The following NCAPD3 variants were observed in gnomAD, a reference collection of about 807,000 sequenced individuals.
The protein encoded by NCAPD3 is condensin-2 complex subunit D3.
Under a neutral mutation model 182.9 loss-of-function variants are expected in NCAPD3, and 105 were observed. The ratio of observed to expected loss-of-function variants is 0.57; its 90% CI spans 0.49 to 0.68. The LOEUF (loss-of-function observed/expected upper bound fraction) is 0.68. Among genes scored for constraint, NCAPD3 ranks in the 30% least tolerant of loss-of-function variants. The probability of loss-of-function intolerance (pLI) is 0.00; values close to 1 mark genes in which losing one functional copy is unlikely to be tolerated. For synonymous variants in NCAPD3, 815 were observed against 679.9 expected (o/e 1.20, Z -3.09); for missense variants, 1,944 against 1,837.0 (o/e 1.06, Z -1.07).
At chr11:134,183,187 C>A in intron 19 of NCAPD3, 1 of 456,160 alleles carries the variant, frequency 2.2e-6, no homozygotes, top group African/African-American at 2.0e-5. Flanking sequence ...AAGTCAGAGG[C>A]CTTAGTTCTA....
intron 1 of NCAPD3, 101 bp from the exon 2 acceptor site, chr11:134,220,827 G>T: frequency 9.0e-7 from 1 of 1,113,814 alleles, no homozygotes; most frequent in Non-Finnish European, 1.3e-6. Context: ...AAGTTTACTA[G>T]TCACGATTCA....
At chr11:134,224,464 AC>A (rs1405995121), upstream of NCAPD3, 3 of 155,914 alleles carry the variant, frequency 1.9e-5, no homozygotes, top group African/African-American at 7.2e-5. Flanking sequence ...TTCTGTAGGG[AC>A]TGCGCGGCAC....
intron 2 of NCAPD3, 30 bp from the exon 3 acceptor site, chr11:134,217,128 A>C: frequency 2.6e-6 from 4 of 1,533,514 alleles, no homozygotes; most frequent in Non-Finnish European, 3.5e-6. Context: ...CACAAAAGCC[A>C]GTCATTAGAG....
In NCAPD3 at chr11:134,150,370, G is replaced by A. The variant is rs1424898673; in HGVS notation, c.*2574C>T. 1 of 152,476 alleles carries A rather than the reference G, an allele frequency of 6.6e-6. No homozygotes were observed. The highest frequency in any genetic ancestry group is 1.5e-5 in the Non-Finnish European group (1 of 68,170). 9.4% of individuals were successfully genotyped at this position (152,476 alleles called of 1,614,324 possible). A position where few individuals can be genotyped will look rare whatever the true frequency, so the allele number is the denominator to read the frequency against. On this transcript the variant is annotated 3_prime_UTR_variant, in exon 35 of 35. Transcript: ENST00000534548. ...AGAAGCCCTCAGATGTACATACACA[G>A]ATGCCAGTCAGCTCCTGGGGTTGCG...
At chr11:134,159,715 G>A (rs570159580) in intron 29 of NCAPD3, among the ~76,000 whole-genome samples, 177 bp downstream of exon 29, 11 of 152,358 alleles carry the variant, frequency 7.2e-5, no homozygotes, top group African/African-American at 2.6e-4. Flanking sequence ...CTGGAGCACA[G>A]TAAATCCATC....
intron 13 of NCAPD3, among the ~76,000 whole-genome samples, chr11:134,199,412 C>T (rs1293449262): frequency 6.6e-6 from 1 of 152,180 alleles, no homozygotes; most frequent in Non-Finnish European, 1.5e-5. Flanking sequence ...AAAACTCACT[C>T]CATTGTTTTC....
intron 16 of NCAPD3, among the ~76,000 whole-genome samples, chr11:134,192,449 G>A (rs1396689492): frequency 6.6e-6 from 1 of 152,216 alleles, no homozygotes; most frequent in Non-Finnish European, 1.5e-5. Flanking sequence ...ACCAAAATCT[G>A]AAACTGGAAA....
chr11:134,166,062 G>A (rs1943782484), intron 27 of NCAPD3, among the ~76,000 whole-genome samples: 1 of 88,472 alleles, frequency 1.1e-5, no homozygotes, highest in Non-Finnish European at 2.3e-5. Flanking sequence ...GAGCTTGGGG[G>A]AGCAGCACAC....
chr11:134,213,743 C>G (rs1937924277), intron 3 of NCAPD3, among the ~76,000 whole-genome samples: 1 of 151,738 alleles, frequency 6.6e-6, no homozygotes, highest in Non-Finnish European at 1.5e-5. Context: ...AAATGATGTA[C>G]CAACCAAGGA....
At chr11:134,172,432 A>G (rs1944029793) in intron 24 of NCAPD3, among the ~76,000 whole-genome samples, 1 of 151,902 alleles carries the variant, frequency 6.6e-6, no homozygotes, top group Non-Finnish European at 1.5e-5. Flanking sequence ...CCCCATTCCG[A>G]TTGTTCCATG....
At position 134,151,582 on chromosome 11, in the gene NCAPD3, G is replaced by T. The variant is rs643447; in HGVS notation, c.*1362C>A. 16,920 of 152,102 alleles carry T rather than the reference G, an allele frequency of 0.11. 1,194 individuals are homozygous for T. Among genetic ancestry groups the T allele is most frequent in the East Asian group, 0.3 (1,537 of 5,154 alleles). The allele number at this position is 152,102 out of a possible 1,614,324, so 9.4% of individuals were successfully genotyped here. On this transcript the variant is annotated 3_prime_UTR_variant, in exon 35 of 35. Coordinates refer to ENST00000534548, the MANE Select transcript of NCAPD3 (RefSeq NM_015261.3). ...CTATAACTGAGACTAGACGGAAAAGGAATACTCGTGTATTTTAAGATATGA... is the reference window on the plus strand; with the variant it reads ...CTATAACTGAGACTAGACGGAAAAGTAATACTCGTGTATTTTAAGATATGA...
In NCAPD3 at chr11:134,177,261, G is replaced by A. The variant is rs149775587; in HGVS notation, c.2979C>T (p.Phe993=). 1 of 1,614,098 alleles carries A rather than the reference G, an allele frequency of 6.2e-7. No individual in the cohort carries two copies. The highest frequency in any genetic ancestry group is 1.3e-5 in the African/African-American group (1 of 74,938). The change falls in exon 23 of 35, where the codon TTC becomes TTT. Residue 993 remains phenylalanine (F), a synonymous_variant. Transcript: ENST00000534548. ...ISMCLKDSDP[F]IRKQTLILLT... is the part of the protein sequence containing the mutation. The stretch of plus-strand genomic sequence containing the variant: ...GCAAGATGAGTGTCTGCTTCCGGAT[G>A]AATGGGTCGGAATCCTTCAGACACA...
chr11:134,158,030 C>G lies in NCAPD3; in HGVS notation c.4072G>C (p.Val1358Leu), dbSNP rs377196164. 3.7e-6 allele frequency: 6 copies of G among 1,614,080 alleles called. No individual in the cohort carries two copies. The East Asian group carries it at 1.3e-4, about 36-fold the overall frequency. ...SLSTIAILNS[V>L]KKAVESKSRH... ...CTCTTTGACTCCACGGCTTTCTTGA[C>G]AGAATTCAGGATTGCAATGGTGCTC... The change falls in exon 31 of 35, where the codon GTC becomes CTC. Residue 1358 changes from valine (V) to leucine (L), a missense_variant. Physicochemically the swap from Val to Leu is conservative, Grantham distance 32. Transcript: ENST00000534548.
chr11:134,186,368 C>A (rs1487355150), intron 16 of NCAPD3, among the ~76,000 whole-genome samples: 1 of 151,368 alleles, frequency 6.6e-6, no homozygotes, highest in East Asian at 1.9e-4. Context: ...TGGCTAATTT[C>A]TCTCTCTCTC....
At chr11:134,167,372 A>C (rs1208162576) in intron 27 of NCAPD3, among the ~76,000 whole-genome samples, 1 of 92,928 alleles carries the variant, frequency 1.1e-5, no homozygotes, top group Non-Finnish European at 2.0e-5. Flanking sequence ...GGAGGCGCAC[A>C]CTCGTGAGAG....
intron 28 of NCAPD3, among the ~76,000 whole-genome samples, chr11:134,160,831 C>G (rs973502794): frequency 6.6e-6 from 1 of 152,056 alleles, no homozygotes; most frequent in African/African-American, 2.4e-5. Flanking sequence ...GAGACTCCCT[C>G]AAGCTACTGA....
chr11:134,223,972 C>T (rs765871293), upstream of NCAPD3: 2 of 1,601,010 alleles, frequency 1.2e-6, no homozygotes, highest in African/African-American at 2.7e-5. Flanking sequence ...ACTTTCAAAG[C>T]TCGCTCCCGC....
At chr11:134,224,897 C>T (rs562136526), upstream of NCAPD3, 3 of 191,918 alleles carry the variant, frequency 1.6e-5, no homozygotes, top group Non-Finnish European at 3.1e-5. Context: ...CATTGCTGCT[C>T]GGGCGCCGCA....
chr11:134,193,043 C>A (rs1944556945), intron 15 of NCAPD3, 134 bp from the exon 16 acceptor site: 7 of 579,682 alleles, frequency 1.2e-5, no homozygotes, highest in Non-Finnish European at 2.1e-5. Context: ...GAAAAAAATT[C>A]AAAAAATATA....
Sources: gnomAD v4.1 joint callset for allele counts (sites outside exome capture counted in the v4.1 genomes callset) on GRCh38, gnomAD v4.1.1 for gene constraint, MANE v1.5 for transcripts, NCBI Gene and HGNC (gene_info 2026-07-23, HGNC 2026-07-21) for gene names.